The following TRPV1 variants were observed in gnomAD, a reference collection of about 807,000 sequenced individuals.
The protein encoded by TRPV1 is OTRPC1.
A neutral mutation model predicts 82.3 loss-of-function variants in TRPV1; 82 were observed. The ratio of observed to expected loss-of-function variants is 1.00; its 90% CI spans 0.83 to 1.20. The LOEUF (loss-of-function observed/expected upper bound fraction) is 1.20. TRPV1 is among the 50% of genes most tolerant of loss of function. TRPV1 has a pLI of 0.00. For synonymous variants in TRPV1, 515 were observed against 467.7 expected, an observed-to-expected ratio of 1.10 and a Z score of -1.30; for missense variants, 1,067 against 1,096.8, an observed-to-expected ratio of 0.97 and a Z score of 0.38.
chr17:3,594,160 C>CAA (rs1567673375), intron 2 of TRPV1, among the ~76,000 whole-genome samples: 1 of 115,896 alleles, frequency 8.6e-6, no homozygotes, highest in African/African-American at 7.8e-5. Flanking sequence ...AAAGAAGCAG[C>CAA]AGCAGCAGCA....
Position 3,573,678 on chromosome 17 carries a change from A to C in TRPV1, c.2058T>G (p.Thr686=). The C allele has an allele frequency of 6.2e-7, 1 of 1,614,014 alleles. No homozygotes were observed. Among genetic ancestry groups the C allele is most frequent in the Non-Finnish European group, 8.5e-7 (1 of 1,180,006 alleles). Reference sequence around the variant, plus strand: ...TGCTCTCCTGTGCGATCTTGTTGACAGTCTCACCCATGAGGGCGATGAGCA... The same window carrying C: ...TGCTCTCCTGTGCGATCTTGTTGACCGTCTCACCCATGAGGGCGATGAGCA... ...LNMLIALMGE[T]VNKIAQESKN... Residue 686 remains threonine (T), a synonymous_variant, in exon 14 of 17, where the codon ACT becomes ACG. Coordinates refer to ENST00000572705, the MANE Select transcript of TRPV1 (RefSeq NM_080704.4).
chr17:3,582,188 T>TCAAAAAAAAAAAA (rs2075029299), intron 10 of TRPV1, among the ~76,000 whole-genome samples: 1 of 13,366 alleles, frequency 7.5e-5, no homozygotes, highest in Non-Finnish European at 1.4e-4. Context: ...AGACTCCATC[T>TCAAAAAAAAAAAA]CAAAAAAAAA....
At chr17:3,567,387 AAAAAG>A (rs903874601) in intron 16 of TRPV1, among the ~76,000 whole-genome samples, 3 of 150,994 alleles carry the variant, frequency 2.0e-5, no homozygotes, top group African/African-American at 7.3e-5. Flanking sequence ...AAAAAAAAAA[AAAAAG>A]AAGAAGAAGA....
At chr17:3,605,990 G>A (rs1030676849) in intron 2 of TRPV1, among the ~76,000 whole-genome samples, 4 of 151,848 alleles carry the variant, frequency 2.6e-5, no homozygotes, top group Middle Eastern at 3.4e-3. Context: ...ACAGAATCTC[G>A]CTCTGTCTCC....
Position 3,590,002 on chromosome 17 carries a change from C to G in TRPV1, c.849G>C (p.Ser283=). Reference sequence around the variant, plus strand: ...GGGCGTGCAGCACCGTGTTGCCCACCGAGTCCCTGGCGCTGATGTCGGCCG... The same window carrying G: ...GGGCGTGCAGCACCGTGTTGCCCACGGAGTCCCTGGCGCTGATGTCGGCCG... The part of the protein sequence containing the change: ...WQTADISARD[S]VGNTVLHALV... The change falls in exon 7 of 17, where the codon TCG becomes TCC. Residue 283 remains serine, a synonymous_variant. Coordinates refer to ENST00000572705, the MANE Select transcript of TRPV1 (RefSeq NM_080704.4). The G allele has an allele frequency of 1.9e-6, 3 of 1,561,360 alleles. No individual in the cohort carries two copies. Among genetic ancestry groups the G allele is most frequent in the Non-Finnish European group, 2.6e-6 (3 of 1,153,322 alleles).
At chr17:3,594,875 G>C (rs973355266) in intron 2 of TRPV1, among the ~76,000 whole-genome samples, 1 of 152,158 alleles carries the variant, frequency 6.6e-6, no homozygotes, top group African/African-American at 2.4e-5. Context: ...GAACAGAGGT[G>C]GGCTAGGGTC....
chr17:3,601,211 T>G (rs2075260251), intron 2 of TRPV1, among the ~76,000 whole-genome samples: 1 of 151,828 alleles, frequency 6.6e-6, no homozygotes, highest in African/African-American at 2.4e-5. Flanking sequence ...CGTCCATCCC[T>G]CCTCTACCTG....
rs1333120655 is a variant in TRPV1 at position 3,572,210 on chromosome 17, TA to T, written c.2142del (p.Lys715SerfsTer3). Reference protein sequence around the residue: ...ITILDTEKSFLKCMRKAFRSG... With the variant: ...ITILDTEKSFXKCMRKAFRSG... ...GAGCGGAAGGCCTTCCTCATGCACT[TA>T]AGGAAGCTCTTCTCCGTGTCCAGGA... On this transcript the variant is annotated frameshift_variant, in exon 15 of 17. Coordinates refer to ENST00000572705, the MANE Select transcript of TRPV1 (RefSeq NM_080704.4). LOFTEE classifies it high-confidence loss of function. 6.8e-6 allele frequency: 11 copies of T among 1,611,758 alleles called. No homozygotes were observed. Among genetic ancestry groups the T allele is most frequent in the African/African-American group, 2.7e-5 (2 of 74,878 alleles).
At chr17:3,598,163 C>T (rs2150856544) in intron 2 of TRPV1, among the ~76,000 whole-genome samples, 1 of 152,330 alleles carries the variant, frequency 6.6e-6, no homozygotes, top group East Asian at 1.9e-4. Context: ...CCCAAATGCC[C>T]TGCAAAAACC....
intron 2 of TRPV1, 117 bp from the exon 3 acceptor site, chr17:3,592,500 G>A: frequency 2.9e-6 from 3 of 1,031,684 alleles, no homozygotes; most frequent in Non-Finnish European, 2.7e-6. Context: ...ACTCCAACTT[G>A]CTGCTGCCCC....
chr17:3,576,668 A>AAAAAAAAAATAT, intron 13 of TRPV1, among the ~76,000 whole-genome samples: 11 of 38,424 alleles, frequency 2.9e-4, no homozygotes, highest in Non-Finnish European at 5.8e-4. Flanking sequence ...AAAAAAAAAA[A>AAAAAAAAAATAT]ATATATATAT....
intron 2 of TRPV1, chr17:3,595,589 G>T (rs1480835299): frequency 6.6e-6 from 1 of 152,258 alleles, no homozygotes; most frequent in East Asian, 1.9e-4. Flanking sequence ...CTGTCCCAGG[G>T]ATGTCTATGG....
At chr17:3,607,538 ATTT>A (rs71379522) in intron 2 of TRPV1, among the ~76,000 whole-genome samples, 165 of 140,874 alleles carry the variant, frequency 1.2e-3, no homozygotes, top group African/African-American at 3.5e-3. Context: ...AAGTAGAACA[ATTT>A]TTTTTTTTTT....
intron 11 of TRPV1, 45 bp downstream of exon 11, chr17:3,580,412 G>C (rs200291350): frequency 6.2e-7 from 1 of 1,603,638 alleles, no homozygotes; most frequent in African/African-American, 1.3e-5. Flanking sequence ...AACTGATTGC[G>C]GTCACCTGGG....
At chr17:3,568,317 G>A (rs1230025344) in intron 16 of TRPV1, among the ~76,000 whole-genome samples, 16 of 138,034 alleles carry the variant, frequency 1.2e-4, no homozygotes, top group Admixed American at 3.7e-4. Flanking sequence ...GCCAGACTCC[G>A]TCTCAAAAAA....
At chr17:3,574,148 A>G (rs59372229) in intron 13 of TRPV1, among the ~76,000 whole-genome samples, 193 bp from the exon 14 acceptor site, 46,435 of 152,156 alleles carry the variant, frequency 0.31, 8,007 homozygotes, top group East Asian at 0.53. Flanking sequence ...TGCTAGAAAA[A>G]TAAATAAATA....
At chr17:3,593,920 T>A (rs1318599036) in intron 2 of TRPV1, among the ~76,000 whole-genome samples, 1 of 150,834 alleles carries the variant, frequency 6.6e-6, no homozygotes, top group Non-Finnish European at 1.5e-5. Context: ...AGGTCAGGAG[T>A]TCGAGACCAG....
intron 2 of TRPV1, among the ~76,000 whole-genome samples, chr17:3,599,279 T>C (rs1346549041): frequency 7.1e-6 from 1 of 141,014 alleles, no homozygotes; most frequent in Non-Finnish European, 1.5e-5. Flanking sequence ...TGTGGCAAAA[T>C]ATATATAACA....
chr17:3,588,483 C>T (rs574591968), intron 7 of TRPV1, 116 bp from the exon 8 acceptor site: 22 of 1,194,112 alleles, frequency 1.8e-5, no homozygotes, highest in South Asian at 1.0e-4. Flanking sequence ...AAGCCCCAGG[C>T]GAGTCCCCAC....
Sources: allele counts gnomAD v4.1 joint callset (sites outside exome capture counted in the v4.1 genomes callset), GRCh38; gene constraint gnomAD v4.1.1; transcripts MANE v1.5; gene names NCBI Gene and HGNC (gene_info 2026-07-23, HGNC 2026-07-21).